Variants in USP34 observed in about 807,000 individuals in gnomAD.
USP34 encodes the protein ubiquitin specific peptidase 34, also known as ubiquitin carboxyl-terminal hydrolase 34.
USP34 carries 70 observed loss-of-function variants against 460.3 expected under a neutral mutation model. The ratio of observed to expected loss-of-function variants is 0.15; its 90% confidence interval spans 0.13 to 0.19. The LOEUF (loss-of-function observed/expected upper bound fraction) is 0.19. Among genes scored for constraint, USP34 ranks in the 10% least tolerant of loss-of-function variants. USP34 has a pLI of 1.00. For missense variants in USP34, 3,985 were observed against 4,236.2 expected, an observed-to-expected ratio of 0.94 and a Z score of 1.65; for synonymous variants, 1,647 against 1,405.3, an observed-to-expected ratio of 1.17 and a Z score of -3.85.
chr2:61,195,501 G>A lies in USP34; in HGVS notation c.9509-2521C>T, dbSNP rs558182649. Among the ~76,000 whole-genome samples the A allele has an allele frequency of 4.6e-5, 7 of 151,640 alleles. No individual in the cohort carries two copies. In the South Asian group the frequency reaches 1.0e-3, roughly 23 times the overall value. On this transcript the variant is annotated intron_variant, in intron 75 of 79. Coordinates refer to ENST00000398571, the MANE Select transcript of USP34 (RefSeq NM_014709.4). ...AGCCTGACCAACATGGTGAAACCCC[G>A]TTTCTACTAAAAATACAAAAATTAG...
chr2:61,423,326 G>A (rs1443906379), intron 1 of USP34, among the ~76,000 whole-genome samples: 3 of 151,990 alleles, frequency 2.0e-5, no homozygotes, highest in Non-Finnish European at 2.9e-5. Flanking sequence ...TGGCCAGGCT[G>A]CTCTCGAACT....
intron 42 of USP34, 137 bp from the exon 43 acceptor site, chr2:61,265,694 TAAAAAA>T (rs147338129): frequency 3.9e-6 from 3 of 762,530 alleles, no homozygotes; most frequent in Non-Finnish European, 5.5e-6. Flanking sequence ...ATTTTTTAAA[TAAAAAA>T]AAATACAGAT....
intron 48 of USP34, among the ~76,000 whole-genome samples, chr2:61,251,341 C>T (rs1330091796): frequency 2.6e-5 from 4 of 152,064 alleles, no homozygotes; most frequent in Non-Finnish European, 5.9e-5. Flanking sequence ...ATATTAAAAT[C>T]ACTACTTTAA....
intron 18 of USP34, among the ~76,000 whole-genome samples, chr2:61,335,751 A>G (rs1270843833): frequency 1.3e-5 from 2 of 152,304 alleles, no homozygotes; most frequent in East Asian, 3.9e-4. Flanking sequence ...TGTCTCAAAG[A>G]GAAGATAAAG....
At chr2:61,298,376 A>AAC (rs1690102147) in intron 29 of USP34, among the ~76,000 whole-genome samples, 5 of 143,308 alleles carry the variant, frequency 3.5e-5, no homozygotes, top group Admixed American at 1.4e-4. Flanking sequence ...AAAAAAAAAA[A>AAC]AAAAAAAAAA....
At position 61,348,409 on chromosome 2, in the gene USP34, A is replaced by G. The variant is rs570362178; in HGVS notation, c.1746T>C (p.Ser582=). 148 of 1,613,924 alleles carry G rather than the reference A, an allele frequency of 9.2e-5. No individual in the cohort carries two copies. The East Asian group carries it at 3.0e-3, about 33-fold the overall frequency. The change falls in exon 15 of 80, where the codon AGT becomes AGC. Residue 582 remains serine, a synonymous_variant. Transcript: ENST00000398571. ...TGCTAGATCCATCACTATGCCCACT[A>G]CTGCTACCAGGACCACTGCTTCCAT... ...GEDGSSGPGS[S]SGHSDGSSNE... is the part of the protein sequence containing the mutation.
intron 41 of USP34, among the ~76,000 whole-genome samples, chr2:61,273,897 G>A (rs1689293134): frequency 6.6e-6 from 1 of 151,946 alleles, no homozygotes; most frequent in Non-Finnish European, 1.5e-5. Flanking sequence ...TTAATTATTA[G>A]GATAACTGGG....
chr2:61,352,023 C>G (rs1472205887), intron 10 of USP34, among the ~76,000 whole-genome samples: 2 of 152,130 alleles, frequency 1.3e-5, no homozygotes, highest in African/African-American at 4.8e-5. Context: ...TGCTTGGAAG[C>G]AGAAGTGTTT....
chr2:61,444,969 GA>G (rs1383021510), intron 1 of USP34, among the ~76,000 whole-genome samples: 6 of 146,954 alleles, frequency 4.1e-5, no homozygotes, highest in African/African-American at 1.5e-4. Flanking sequence ...TATCTTCAAA[GA>G]AGTAACAGTA....
intron 29 of USP34, among the ~76,000 whole-genome samples, chr2:61,299,743 C>T (rs1378388229): frequency 1.3e-5 from 2 of 152,076 alleles, no homozygotes; most frequent in African/African-American, 4.8e-5. Flanking sequence ...CACACTGAGA[C>T]CATGTCTCAC....
Position 61,301,423 on chromosome 2 carries a change from T to A in USP34, c.3849A>T (p.Ser1283=). 6.2e-7 allele frequency: 1 copy of A among 1,614,002 alleles called. No individual in the cohort carries two copies. The highest frequency in any genetic ancestry group is 8.5e-7 in the Non-Finnish European group (1 of 1,179,982). The change falls in exon 28 of 80, where the codon TCA becomes TCT. Residue 1283 remains serine, a synonymous_variant. Coordinates refer to ENST00000398571, the MANE Select transcript of USP34 (RefSeq NM_014709.4). ...AATCTGTTGTTAACTCGTGTCCAGATGAAATCATCCTGACAGGTCCCATGA... is the reference window on the plus strand; with the variant it reads ...AATCTGTTGTTAACTCGTGTCCAGAAGAAATCATCCTGACAGGTCCCATGA... ...GGLMGPVRMI[S]SGHELTTDYD...
intron 41 of USP34, among the ~76,000 whole-genome samples, chr2:61,267,474 ACT>A (rs1378434583): frequency 6.7e-6 from 1 of 148,268 alleles, no homozygotes; most frequent in East Asian, 2.0e-4. Flanking sequence ...ACAGAATCTC[ACT>A]CTGTCACCTG....
At chr2:61,362,554 C>A (rs1443452924) in intron 10 of USP34, among the ~76,000 whole-genome samples, 1 of 152,022 alleles carries the variant, frequency 6.6e-6, no homozygotes, top group Non-Finnish European at 1.5e-5. Flanking sequence ...GTGAAATAAA[C>A]CAGACAAAGA....
intron 38 of USP34, among the ~76,000 whole-genome samples, chr2:61,280,790 T>A (rs1689512717): frequency 6.6e-6 from 1 of 152,204 alleles, no homozygotes; most frequent in Non-Finnish European, 1.5e-5. Flanking sequence ...GCTCCATTTA[T>A]GATTTTTTAT....
At position 61,348,828 on chromosome 2, in the gene USP34, A is replaced by G; in HGVS notation, c.1602T>C (p.Gly534=). The change falls in exon 14 of 80, where the codon GGT becomes GGC. Residue 534 remains glycine, a synonymous_variant. Transcript: ENST00000398571. ...SDNSDTHQSG[G]SDIEMDEQLI... ...GTTGCTCATCCATTTCAATGTCACT[A>G]CCTCCACTTTGATGTGTATCGCTAT... 1 of 1,613,724 alleles carries G rather than the reference A, an allele frequency of 6.2e-7. No individual in the cohort carries two copies. The highest frequency in any genetic ancestry group is 1.1e-5 in the South Asian group (1 of 91,022).
intron 3 of USP34, among the ~76,000 whole-genome samples, chr2:61,403,932 G>A (rs962469061): frequency 1.4e-5 from 2 of 142,312 alleles, no homozygotes; most frequent in African/African-American, 5.1e-5. Flanking sequence ...GGCGGAGCTT[G>A]CAGTGAGCCG....
intron 49 of USP34, among the ~76,000 whole-genome samples, chr2:61,247,070 G>A (rs760112012): frequency 2.6e-5 from 4 of 152,050 alleles, no homozygotes; most frequent in Non-Finnish European, 4.4e-5. Flanking sequence ...AGAGATTTGT[G>A]TAGACAGAAA....
At chr2:61,319,963 G>A (rs965471060) in intron 21 of USP34, among the ~76,000 whole-genome samples, 1 of 152,128 alleles carries the variant, frequency 6.6e-6, no homozygotes, top group Non-Finnish European at 1.5e-5. Context: ...AAACCACTAA[G>A]ATAGTTATTT....
At chr2:61,343,465 T>C (rs1158126037) in intron 16 of USP34, among the ~76,000 whole-genome samples, 3 of 152,204 alleles carry the variant, frequency 2.0e-5, no homozygotes, top group African/African-American at 7.2e-5. Context: ...TCATACAATT[T>C]TATCTTTTGT....
Sources: gnomAD v4.1 joint callset for allele counts (sites outside exome capture counted in the v4.1 genomes callset) on GRCh38, gnomAD v4.1.1 for gene constraint, MANE v1.5 for transcripts, NCBI Gene and HGNC (gene_info 2026-07-23, HGNC 2026-07-21) for gene names.